The following NDFIP1 variants were observed in gnomAD, a reference collection of about 807,000 sequenced individuals.
NDFIP1 encodes NEDD4 family-interacting protein 1.
Under a neutral mutation model 28.8 loss-of-function variants are expected in NDFIP1, and 7 were observed. That is an observed-to-expected ratio of 0.24 (90% CI 0.14 to 0.46). NDFIP1 has a LOEUF of 0.46. Among genes scored for constraint, NDFIP1 ranks in the 20% least tolerant of loss-of-function variants. The pLI is 0.99. For missense variants in NDFIP1, 194 were observed against 269.1 expected, an observed-to-expected ratio of 0.72 and a Z score of 1.95; for synonymous variants, 92 against 101.0, an observed-to-expected ratio of 0.91 and a Z score of 0.53.
intron 5 of NDFIP1, 80 bp downstream of exon 5, chr5:142,137,938 CT>C: frequency 6.7e-7 from 1 of 1,491,516 alleles, no homozygotes; most frequent in Non-Finnish European, 9.0e-7. Context: ...TTTTCATTTG[CT>C]TTTTTAAAAG....
chr5:142,132,179 C>G (rs1419291078), intron 2 of NDFIP1, 33 bp from the exon 3 acceptor site: 4 of 1,602,062 alleles, frequency 2.5e-6, no homozygotes, highest in Non-Finnish European at 3.4e-6. Flanking sequence ...TTCAGCTAAT[C>G]ATCAAAAAAT....
intron 1 of NDFIP1, among the ~76,000 whole-genome samples, chr5:142,110,056 A>G (rs936729522): frequency 1.3e-5 from 2 of 152,200 alleles, no homozygotes; most frequent in Admixed American, 6.5e-5. Flanking sequence ...ATATTTTAGA[A>G]GTAAGGAAAG....
intron 1 of NDFIP1, among the ~76,000 whole-genome samples, chr5:142,117,115 A>T (rs1757076307): frequency 6.6e-6 from 1 of 152,180 alleles, no homozygotes; most frequent in Non-Finnish European, 1.5e-5. Context: ...AGCAATATTA[A>T]TTAGTACTTA....
intron 4 of NDFIP1, among the ~76,000 whole-genome samples, 168 bp downstream of exon 4, chr5:142,135,985 A>G (rs1757271019): frequency 6.6e-6 from 1 of 152,196 alleles, no homozygotes; most frequent in Admixed American, 6.5e-5. Context: ...TTGTTTTAAT[A>G]TCCCTTCTCT....
chr5:142,136,736 CA>C (rs1315493138), intron 4 of NDFIP1, among the ~76,000 whole-genome samples: 13 of 95,926 alleles, frequency 1.4e-4, no homozygotes, highest in East Asian at 3.2e-4. Context: ...GCCTGGGGGA[CA>C]AGAGTGAGAC....
intron 4 of NDFIP1, among the ~76,000 whole-genome samples, chr5:142,136,680 G>A (rs551305251): frequency 6.4e-4 from 96 of 150,560 alleles, no homozygotes; most frequent in African/African-American, 2.2e-3. Flanking sequence ...GATTGAACCC[G>A]GGAGGCAGAG....
At chr5:142,147,627 G>A (rs1028461762) in intron 7 of NDFIP1, among the ~76,000 whole-genome samples, 3 of 152,180 alleles carry the variant, frequency 2.0e-5, no homozygotes, top group South Asian at 2.1e-4. Flanking sequence ...TAGAGATTAT[G>A]AGCTCTGAAT....
At chr5:142,122,716 G>A (rs2126913594) in intron 1 of NDFIP1, among the ~76,000 whole-genome samples, 1 of 152,138 alleles carries the variant, frequency 6.6e-6, no homozygotes, top group Middle Eastern at 3.4e-3. Flanking sequence ...TTTCTATAAT[G>A]ACTAATGAAA....
intron 6 of NDFIP1, 113 bp downstream of exon 6, chr5:142,140,742 T>A: frequency 1.3e-6 from 1 of 754,932 alleles, no homozygotes; most frequent in Non-Finnish European, 2.0e-6. Context: ...TATTAACAAT[T>A]AATAATAAAC....
chr5:142,129,743 G>T (rs1233263624), intron 1 of NDFIP1, among the ~76,000 whole-genome samples: 1 of 151,410 alleles, frequency 6.6e-6, no homozygotes, highest in Admixed American at 6.6e-5. Context: ...CCTGGCCCAC[G>T]TCTACTAAAA....
intron 1 of NDFIP1, among the ~76,000 whole-genome samples, chr5:142,118,137 G>A (rs1018469694): frequency 6.6e-6 from 1 of 152,100 alleles, no homozygotes; most frequent in Non-Finnish European, 1.5e-5. Flanking sequence ...GTATGGTACG[G>A]TTTTCACAAT....
At chr5:142,123,595 A>T (rs1483100308) in intron 1 of NDFIP1, among the ~76,000 whole-genome samples, 2 of 152,186 alleles carry the variant, frequency 1.3e-5, no homozygotes, top group Non-Finnish European at 2.9e-5. Flanking sequence ...CATATCTTAG[A>T]TGAAATCTAT....
At chr5:142,110,216 A>G (rs1756999052) in intron 1 of NDFIP1, among the ~76,000 whole-genome samples, 1 of 152,200 alleles carries the variant, frequency 6.6e-6, no homozygotes, top group Non-Finnish European at 1.5e-5. Flanking sequence ...TCTTGGTTTT[A>G]TAAACACGGC....
At chr5:142,138,119 A>G in intron 5 of NDFIP1, 1 of 298,410 alleles carries the variant, frequency 3.4e-6, no homozygotes, top group Non-Finnish European at 6.3e-6. Flanking sequence ...TAATGTTTAT[A>G]ATATGATAAT....
intron 1 of NDFIP1, among the ~76,000 whole-genome samples, chr5:142,121,439 A>G (rs1210961707): frequency 3.3e-5 from 5 of 152,242 alleles, no homozygotes; most frequent in African/African-American, 1.2e-4. Context: ...TACATAGTAT[A>G]GATATACCTT....
At chr5:142,150,788 AT>A (rs1757439318) in intron 7 of NDFIP1, among the ~76,000 whole-genome samples, 1 of 152,118 alleles carries the variant, frequency 6.6e-6, no homozygotes, top group Admixed American at 6.5e-5. Context: ...TTTTATAGTA[AT>A]TTGGAGGATA....
At chr5:142,126,460 A>G (rs1041120831) in intron 1 of NDFIP1, among the ~76,000 whole-genome samples, 1 of 152,232 alleles carries the variant, frequency 6.6e-6, no homozygotes, top group Non-Finnish European at 1.5e-5. Flanking sequence ...AGAAAAAATT[A>G]AGTAGTGAAA....
chr5:142,127,708 C>A lies in NDFIP1; in HGVS notation c.64-4100C>A, dbSNP rs561507349. ...TGGTGGCTCACGCCTATAATCCCAG[C>A]GCTTTGGGAGGCTGAGGCAGGCGGA... On this transcript the variant is annotated intron_variant, in intron 1 of 7. Transcript: ENST00000253814. Among the ~76,000 whole-genome samples the A allele has an allele frequency of 9.8e-5, 15 of 152,292 alleles. No homozygotes were observed. The East Asian group carries it at 2.5e-3, about 26-fold the overall frequency.
chr5:142,108,901 C>T lies in NDFIP1; in HGVS notation c.-74C>T. ...GCGCGTCCCCCTCGGCCTCCCAGCG[C>T]TCCCAAGCCGCAGCGGCCGCGCCCC... On this transcript the variant is annotated 5_prime_UTR_variant, in exon 1 of 8. Coordinates refer to ENST00000253814, the MANE Select transcript of NDFIP1 (RefSeq NM_030571.4). 7.6e-7 allele frequency: 1 copy of T among 1,309,500 alleles called. No homozygotes were observed. Among genetic ancestry groups the T allele is most frequent in the Non-Finnish European group, 9.8e-7 (1 of 1,018,946 alleles). The allele number at this position is 1,309,500 out of a possible 1,614,324, so 81.1% of individuals were successfully genotyped here. A position where few individuals can be genotyped will look rare whatever the true frequency, so the allele number is the denominator to read the frequency against.
Sources: allele counts gnomAD v4.1 joint callset (sites outside exome capture counted in the v4.1 genomes callset), GRCh38; gene constraint gnomAD v4.1.1; transcripts MANE v1.5; gene names NCBI Gene and HGNC (gene_info 2026-07-23, HGNC 2026-07-21).